The following DMBT1 variants were observed in gnomAD, a reference collection of about 807,000 sequenced individuals.
DMBT1 encodes scavenger receptor cysteine-rich domain-containing protein DMBT1.
In DMBT1, 198 loss-of-function variants were observed where a neutral mutation model predicts 252.9. The observed-to-expected ratio is 0.78, with a 90% CI of 0.70 to 0.88. The LOEUF (loss-of-function observed/expected upper bound fraction) is 0.88, where lower values mean the gene tolerates loss of function less well. Among genes scored for constraint, DMBT1 ranks in the 40% least tolerant of loss-of-function variants. The pLI is 0.00. For missense variants in DMBT1, 2,432 were observed against 2,404.7 expected (o/e 1.01, Z -0.24); for synonymous variants, 990 against 942.7 (o/e 1.05, Z -0.92).
intron 55 of DMBT1, among the ~76,000 whole-genome samples, 186 bp from the exon 56 acceptor site, chr10:122,642,936 C>A (rs1419785405): frequency 1.3e-5 from 2 of 152,136 alleles, no homozygotes; most frequent in East Asian, 3.9e-4. Context: ...GGTACCGGAG[C>A]TGCCAGGATT....
At chr10:122,626,059 C>A in intron 46 of DMBT1, 94 bp downstream of exon 46, 2 of 990,254 alleles carry the variant, frequency 2.0e-6, no homozygotes, top group Non-Finnish European at 3.3e-6. Flanking sequence ...CCACCCCAGC[C>A]TTCCTCAATC....
intron 3 of DMBT1, 39 bp from the exon 4 acceptor site, chr10:122,570,851 G>C: frequency 6.2e-7 from 1 of 1,605,624 alleles, no homozygotes; most frequent in Non-Finnish European, 8.5e-7. Flanking sequence ...CCCAAACAAG[G>C]GCTACCATCA....
intron 41 of DMBT1, among the ~76,000 whole-genome samples, chr10:122,618,627 T>A (rs2098026632): frequency 6.6e-6 from 1 of 152,166 alleles, no homozygotes; most frequent in Non-Finnish European, 1.5e-5. Flanking sequence ...TCCCCACGGC[T>A]CCATTTCTTC....
chr10:122,621,458 T>A, intron 44 of DMBT1, 78 bp downstream of exon 44: 1 of 1,595,784 alleles, frequency 6.3e-7, no homozygotes, highest in Non-Finnish European at 8.5e-7. Flanking sequence ...CATTCTGATC[T>A]CCTCACTCAA....
intron 16 of DMBT1, among the ~76,000 whole-genome samples, 164 bp downstream of exon 16, chr10:122,586,547 C>T (rs1480732904): frequency 1.3e-5 from 2 of 148,452 alleles, no homozygotes; most frequent in Admixed American, 1.3e-4. Context: ...ACCACATTGC[C>T]AGGTTTTGAG....
chr10:122,598,721 G>A, intron 25 of DMBT1, 53 bp from the exon 26 acceptor site: 1 of 1,611,500 alleles, frequency 6.2e-7, no homozygotes, highest in South Asian at 1.1e-5. Flanking sequence ...ACATTCCTTA[G>A]ATTCCTGACC....
rs749137893 is a variant in DMBT1, at chr10:122,600,015, G to A, written c.3281-49G>A. On this transcript the variant is annotated intron_variant, in intron 26 of 55. Coordinates refer to ENST00000338354, the MANE Select transcript of DMBT1 (RefSeq NM_001377530.1). ...CTTTCCCTCCTCGTTCCACTTTGCC[G>A]ACTTCTGTGTAATGTTCCTGATCTG... 1.2e-5 allele frequency: 20 copies of A among 1,603,496 alleles called. 1 individual carries two copies. The highest frequency in any genetic ancestry group is 3.4e-5 in the Admixed American group (2 of 58,336).
At chr10:122,577,377 C>T (rs146096492) in intron 7 of DMBT1, among the ~76,000 whole-genome samples, 133 of 152,260 alleles carry the variant, frequency 8.7e-4, no homozygotes, top group Admixed American at 6.0e-3. Context: ...GGCAGTGAGT[C>T]GCAAATGGTG....
intron 44 of DMBT1, among the ~76,000 whole-genome samples, chr10:122,622,746 G>A (rs1335354496): frequency 6.6e-6 from 1 of 152,190 alleles, no homozygotes; most frequent in Non-Finnish European, 1.5e-5. Context: ...TTCCTTTGGG[G>A]CGACGGGAAG....
chr10:122,585,265 T>G lies in DMBT1; in HGVS notation c.1421-6T>G, dbSNP rs1346655743. 1 of 1,586,558 alleles carries G rather than the reference T, an allele frequency of 6.3e-7. No homozygotes were observed. Among genetic ancestry groups the G allele is most frequent in the East Asian group, 2.3e-5 (1 of 42,672 alleles). ...ATTCTAGCCTTTGTCTCTGTTGCAA[T>G]TACAGACACGTTGCCGACCATCACC... On this transcript the variant is annotated splice_polypyrimidine_tract_variant and splice_region_variant and intron_variant, in intron 14 of 55. Transcript: ENST00000338354.
At chr10:122,623,733 TA>T (rs1315130090) in intron 44 of DMBT1, among the ~76,000 whole-genome samples, 1 of 152,228 alleles carries the variant, frequency 6.6e-6, no homozygotes, top group Non-Finnish European at 1.5e-5. Context: ...TTATAGATAC[TA>T]AGCTGAAGGC....
At chr10:122,600,969 T>A (rs1251466714) in intron 27 of DMBT1, 22 bp from the exon 28 acceptor site, 1 of 769,914 alleles carries the variant, frequency 1.3e-6, no homozygotes, top group South Asian at 1.5e-5. Context: ...AATTCTGTCT[T>A]TTCCTTTGTT....
In DMBT1 at chr10:122,585,290, C is replaced by G. The variant is rs766742029; in HGVS notation, c.1440C>G (p.Thr480=). Reference sequence around the variant, plus strand: ...TTACAGACACGTTGCCGACCATCACCTTACCTGCATCGACAGTAGGTAAAT... The same window carrying G: ...TTACAGACACGTTGCCGACCATCACGTTACCTGCATCGACAGTAGGTAAAT... ...TPSPDTLPTI[T]LPASTVGSES... Residue 480 remains threonine (T), a synonymous_variant, in exon 15 of 56, where the codon ACC becomes ACG. Transcript: ENST00000338354. 6.9e-6 allele frequency: 11 copies of G among 1,586,982 alleles called. No individual in the cohort carries two copies. The highest frequency in any genetic ancestry group is 8.6e-6 in the Non-Finnish European group (10 of 1,164,682).
intron 55 of DMBT1, among the ~76,000 whole-genome samples, chr10:122,641,962 A>G (rs1358795435): frequency 6.6e-6 from 1 of 152,134 alleles, no homozygotes; most frequent in Non-Finnish European, 1.5e-5. Flanking sequence ...TGTTACGTTT[A>G]AAAAATCTTG....
rs541239955 is a variant in DMBT1, at chr10:122,642,961, T to C, written c.7353-161T>C. Among the ~76,000 whole-genome samples, 160 of 152,120 alleles carry C rather than the reference T, an allele frequency of 1.1e-3. 1 individual carries two copies. The highest frequency in any genetic ancestry group is 3.6e-3 in the African/African-American group (150 of 41,508). On this transcript the variant is annotated intron_variant, in intron 55 of 55. Transcript: ENST00000338354. ...CTGCCAGGATTTCTCTGCAGGCCCC[T>C]CAGTGAGTGTCTGATCCACACGTTC...
Position 122,592,009 on chromosome 10 carries a change from T to G in DMBT1, c.2177-263T>G, listed in dbSNP as rs191419278. Among the ~76,000 whole-genome samples the G allele has an allele frequency of 7.1e-3, 1,047 of 148,392 alleles. 55 individuals are homozygous for G. Among genetic ancestry groups the G allele is most frequent in the African/African-American group, 0.024 (1,001 of 41,180 alleles). On this transcript the variant is annotated intron_variant, in intron 19 of 55. Coordinates refer to ENST00000338354, the MANE Select transcript of DMBT1 (RefSeq NM_001377530.1). ...AGCTCCATCCTGTGTGTGCTCAGAG[T>G]AGGGAGTGGGGTGTCCATTCCTGTC...
In DMBT1 at chr10:122,577,822, C is replaced by T; in HGVS notation, c.619C>T (p.Gln207Ter). ...TTTTTTTCTCACAGCTGCCCAGCCT[C>T]AGTCAACACTCAGGCCAGGTGAGTC... ...AGVICSAAQP[Q>*]STLRPESWPV... The change falls in exon 8 of 56, where the codon CAG (glutamine) becomes TAG (stop). Residue 207 changes from glutamine to a stop codon, truncating the protein, a stop_gained. Coordinates refer to ENST00000338354, the MANE Select transcript of DMBT1 (RefSeq NM_001377530.1). LOFTEE classifies it high-confidence loss of function. 1 of 1,613,692 alleles carries T rather than the reference C, an allele frequency of 6.2e-7. No individual in the cohort carries two copies. The highest frequency in any genetic ancestry group is 2.2e-5 in the East Asian group (1 of 44,874).
Position 122,600,063 on chromosome 10 carries a change from G to T in DMBT1, c.3281-1G>T. ...CTGACCTTCTCTTCTCTTTCTCACAGCTTCCCAGTCCCGGCCAACACCTAG... is the reference window on the plus strand; with the variant it reads ...CTGACCTTCTCTTCTCTTTCTCACATCTTCCCAGTCCCGGCCAACACCTAG... On this transcript the variant is annotated splice_acceptor_variant, in intron 26 of 55. Transcript: ENST00000338354. LOFTEE classifies it high-confidence loss of function. 1 of 1,607,696 alleles carries T rather than the reference G, an allele frequency of 6.2e-7. No homozygotes were observed. The highest frequency in any genetic ancestry group is 8.5e-7 in the Non-Finnish European group (1 of 1,178,348).
chr10:122,635,421 A>C (rs1375576277), intron 52 of DMBT1, among the ~76,000 whole-genome samples: 1 of 152,220 alleles, frequency 6.6e-6, no homozygotes, highest in Non-Finnish European at 1.5e-5. Flanking sequence ...AAGGGCTGAC[A>C]GGTGAGGGGC....
Sources: allele counts gnomAD v4.1 joint callset (sites outside exome capture counted in the v4.1 genomes callset), GRCh38; gene constraint gnomAD v4.1.1; transcripts MANE v1.5; gene names NCBI Gene and HGNC (gene_info 2026-07-23, HGNC 2026-07-21).